The following GABRR2 variants were observed in gnomAD, a reference collection of about 807,000 sequenced individuals.
The protein encoded by GABRR2 is gamma-aminobutyric acid receptor subunit rho-2.
A neutral mutation model predicts 47.0 loss-of-function variants in GABRR2; 36 were observed. That is an observed-to-expected ratio of 0.77 (90% CI 0.59 to 1.01). GABRR2 has a LOEUF of 1.01. Ranked by LOEUF, GABRR2 falls within the 50% of genes least tolerant of loss-of-function variation. The probability of loss-of-function intolerance (pLI) is 0.00; values close to 1 mark genes in which losing one functional copy is unlikely to be tolerated. For synonymous variants in GABRR2, 204 were observed against 227.5 expected (o/e 0.90, Z 0.93); for missense variants, 587 against 594.6 (o/e 0.99, Z 0.13).
chr6:89,258,134 A>C (rs1029206822), intron 8 of GABRR2, among the ~76,000 whole-genome samples, 153 bp from the exon 9 acceptor site: 3 of 152,238 alleles, frequency 2.0e-5, no homozygotes, highest in Admixed American at 6.5e-5. Context: ...ACGATCCTCT[A>C]CCGTGGCTGC....
intron 3 of GABRR2, among the ~76,000 whole-genome samples, chr6:89,270,153 G>A (rs1300712500): frequency 1.3e-5 from 2 of 152,168 alleles, no homozygotes; most frequent in African/African-American, 2.4e-5. Context: ...CCACACACAC[G>A]GAGAGCAGCC....
chr6:89,255,662 C>T lies in GABRR2; in HGVS notation c.*2008G>A, dbSNP rs576579995. ...AAGCTAGTCGCTCACCTCCTCTTAT[C>T]ACAGCCTAGGATCCTGCCAAAATGA... On this transcript the variant is annotated 3_prime_UTR_variant, in exon 9 of 9. Coordinates refer to ENST00000402938, the MANE Select transcript of GABRR2 (RefSeq NM_002043.5). Among the ~76,000 whole-genome samples the T allele has an allele frequency of 2.6e-5, 4 of 152,206 alleles. No individual in the cohort carries two copies. The highest frequency in any genetic ancestry group is 9.6e-5 in the African/African-American group (4 of 41,516).
rs566156535 is a variant in GABRR2 at position 89,268,800 on chromosome 6, C to T, written c.512+211G>A. ...GTCTCATTCAGGCCAAAGTAGTCTT[C>T]TCACCCAAGCTTAAGACCCCCAGTG... On this transcript the variant is annotated intron_variant, in intron 4 of 8. Transcript: ENST00000402938. Among the ~76,000 whole-genome samples, 16 of 152,228 alleles carry T rather than the reference C, an allele frequency of 1.1e-4. No homozygotes were observed. The South Asian group carries it at 2.5e-3, about 24-fold the overall frequency.
At chr6:89,276,089 CATT>C (rs1161053697) in intron 2 of GABRR2, among the ~76,000 whole-genome samples, 9 of 146,790 alleles carry the variant, frequency 6.1e-5, no homozygotes, top group African/African-American at 1.7e-4. Context: ...AATTATAAAT[CATT>C]ATTTATATTA....
intron 1 of GABRR2, among the ~76,000 whole-genome samples, chr6:89,304,396 CA>C (rs1268121340): frequency 6.6e-6 from 1 of 151,872 alleles, no homozygotes; most frequent in Non-Finnish European, 1.5e-5. Flanking sequence ...AGTTCAAGAC[CA>C]GCCTGGCCAA....
intron 2 of GABRR2, among the ~76,000 whole-genome samples, chr6:89,278,091 T>C (rs974884521): frequency 1.3e-5 from 2 of 152,246 alleles, no homozygotes; most frequent in Non-Finnish European, 2.9e-5. Context: ...CATTGTGGTG[T>C]ATTCATACAA....
intron 2 of GABRR2, among the ~76,000 whole-genome samples, chr6:89,288,302 T>G (rs1774367133): frequency 6.6e-6 from 1 of 150,936 alleles, no homozygotes. Flanking sequence ...CTAGAGGGGA[T>G]CAGAGAGAGG....
At chr6:89,279,653 T>A (rs989636582) in intron 2 of GABRR2, among the ~76,000 whole-genome samples, 1 of 147,862 alleles carries the variant, frequency 6.8e-6, no homozygotes, top group Non-Finnish European at 1.5e-5. Flanking sequence ...ATTACAGGTG[T>A]GAGCCACTAT....
chr6:89,292,346 T>TATATATATATA lies in GABRR2; in HGVS notation c.220+7412_220+7413insTATATATATAT, dbSNP rs1774457039. Among the ~76,000 whole-genome samples the TATATATATATA allele has an allele frequency of 4.3e-4, 6 of 13,848 alleles. 2 individuals are homozygous for TATATATATATA. Among genetic ancestry groups the TATATATATATA allele is most frequent in the Non-Finnish European group, 7.1e-4 (6 of 8,470 alleles). 9.1% of individuals were successfully genotyped at this position (13,848 alleles called of 152,430 possible). On this transcript the variant is annotated intron_variant, in intron 2 of 8. Coordinates refer to ENST00000402938, the MANE Select transcript of GABRR2 (RefSeq NM_002043.5). ...CATGGTGGTTTCTCAAAAAAAAATTTTATATATATATATATATATATATAT... is the reference window on the plus strand; with the variant it reads ...CATGGTGGTTTCTCAAAAAAAAATTTATATATATATATATATATATATATATATATATATAT...
intron 2 of GABRR2, 48 bp downstream of exon 2, chr6:89,299,711 A>G (rs764158933): frequency 1.5e-6 from 2 of 1,306,912 alleles, no homozygotes; most frequent in East Asian, 2.3e-5. Context: ...AGCACATCAC[A>G]TCCCTGGGGC....
intron 2 of GABRR2, among the ~76,000 whole-genome samples, chr6:89,292,790 T>C (rs1216445707): frequency 3.5e-4 from 4 of 11,336 alleles, no homozygotes. Context: ...GTATATACGA[T>C]ATATCGTATA....
At chr6:89,302,846 C>G in intron 1 of GABRR2, 1 of 1,353,454 alleles carries the variant, frequency 7.4e-7, no homozygotes, top group Non-Finnish European at 1.0e-6. Context: ...CCCCCAGCCT[C>G]AAGATGTCTT....
intron 1 of GABRR2, 69 bp from the exon 2 acceptor site, chr6:89,299,934 T>C: frequency 9.8e-7 from 1 of 1,016,240 alleles, no homozygotes. Context: ...ATTTGGGCTA[T>C]TACTCCCTGC....
chr6:89,281,021 G>A (rs932902409), intron 2 of GABRR2, among the ~76,000 whole-genome samples: 26 of 152,226 alleles, frequency 1.7e-4, no homozygotes, highest in African/African-American at 5.5e-4. Context: ...CTCTGAATTT[G>A]ATATTTTAAG....
chr6:89,315,025 C>T, intron 1 of GABRR2, 28 bp downstream of exon 1: 2 of 1,598,788 alleles, frequency 1.3e-6, no homozygotes, highest in Non-Finnish European at 1.7e-6. Context: ...GCAGGGTAAC[C>T]TCCCTCCTTT....
intron 1 of GABRR2, among the ~76,000 whole-genome samples, chr6:89,300,923 A>AAC (rs138173829): frequency 1.5e-4 from 22 of 151,494 alleles, no homozygotes; most frequent in East Asian, 7.7e-4. Context: ...ACCTGGCAGA[A>AAC]ACACACACAC....
chr6:89,263,166 T>C (rs555052789), intron 8 of GABRR2, among the ~76,000 whole-genome samples: 118 of 152,324 alleles, frequency 7.7e-4, no homozygotes, highest in African/African-American at 2.7e-3. Flanking sequence ...CTCCTCAGCC[T>C]ACTCAGAGTG....
Sources: gnomAD v4.1 joint callset for allele counts (sites outside exome capture counted in the v4.1 genomes callset) on GRCh38, gnomAD v4.1.1 for gene constraint, MANE v1.5 for transcripts, NCBI Gene and HGNC (gene_info 2026-07-23, HGNC 2026-07-21) for gene names.